BCAR1: variants seen among roughly 807,000 people sequenced by gnomAD.
The protein encoded by BCAR1 is BCAR1 scaffold protein, Cas family member.
A neutral mutation model predicts 67.6 loss-of-function variants in BCAR1; 30 were observed. The observed-to-expected ratio is 0.44, with a 90% confidence interval of 0.33 to 0.60. BCAR1 has a LOEUF of 0.60. Among genes scored for constraint, BCAR1 ranks in the 20% least tolerant of loss-of-function variants. The pLI is 0.02. For synonymous variants in BCAR1, 626 were observed against 556.7 expected, an observed-to-expected ratio of 1.12 and a Z score of -1.75; for missense variants, 1,313 against 1,222.3, an observed-to-expected ratio of 1.07 and a Z score of -1.11.
At chr16:75,266,728 G>T in intron 1 of BCAR1, 1 of 1,438,782 alleles carries the variant, frequency 7.0e-7, no homozygotes, top group South Asian at 1.4e-5. Context: ...TCAAAGGAAG[G>T]ACCAGGGGTC....
intron 1 of BCAR1, among the ~76,000 whole-genome samples, chr16:75,261,084 C>T (rs762076936): frequency 6.6e-5 from 10 of 152,252 alleles, no homozygotes; most frequent in Non-Finnish European, 8.8e-5. Flanking sequence ...CGACTTGTGA[C>T]CATCTCACCA....
chr16:75,239,457 G>C (rs1450931463), intron 2 of BCAR1, among the ~76,000 whole-genome samples: 1 of 152,184 alleles, frequency 6.6e-6, no homozygotes, highest in African/African-American at 2.4e-5. Context: ...GGGGGGACAA[G>C]CGAACTCAGG....
At chr16:75,250,700 G>C (rs114305120) in intron 1 of BCAR1, 2 of 985,390 alleles carry the variant, frequency 2.0e-6, no homozygotes, top group Non-Finnish European at 2.4e-6. Context: ...TCGGACCCTC[G>C]AGAGGGAGCT....
At chr16:75,243,577 T>A in intron 1 of BCAR1, 1 of 453,198 alleles carries the variant, frequency 2.2e-6, no homozygotes, top group Non-Finnish European at 4.4e-6. Flanking sequence ...AAAGTCTATC[T>A]ACCCCAAATC....
At chr16:75,263,106 G>C (rs545408942) in intron 1 of BCAR1, 1 of 732,014 alleles carries the variant, frequency 1.4e-6, no homozygotes, top group South Asian at 6.1e-5. Flanking sequence ...CCAGCACACA[G>C]GGCGGCATCC....
At chr16:75,251,925 A>C (rs1597264130), upstream of BCAR1, 4 of 516,586 alleles carry the variant, frequency 7.7e-6, no homozygotes, top group Admixed American at 1.3e-4. Flanking sequence ...AGGCCTACGC[A>C]AACTCCTCCA....
At chr16:75,253,390 A>C (rs2077715259), upstream of BCAR1, among the ~76,000 whole-genome samples, 1 of 152,180 alleles carries the variant, frequency 6.6e-6, no homozygotes, top group African/African-American at 2.4e-5. Context: ...CCCAGGCAGC[A>C]GTCTCTGCAG....
At chr16:75,240,742 G>A (rs2077311680) in intron 2 of BCAR1, among the ~76,000 whole-genome samples, 1 of 152,256 alleles carries the variant, frequency 6.6e-6, no homozygotes, top group African/African-American at 2.4e-5. Context: ...GCCAGGCCCA[G>A]GACACAGGGC....
chr16:75,264,008 C>T, intron 1 of BCAR1: 1 of 1,206,962 alleles, frequency 8.3e-7, no homozygotes, highest in Non-Finnish European at 1.0e-6. Flanking sequence ...TGCCCACCCC[C>T]AGCAGAATTC....
intron 1 of BCAR1, chr16:75,246,204 C>G (rs916034818): frequency 6.6e-6 from 1 of 152,104 alleles, no homozygotes; most frequent in Non-Finnish European, 1.5e-5. Context: ...CTCTTGGGCT[C>G]AAGTGATCCT....
chr16:75,250,803 G>T, intron 1 of BCAR1: 1 of 985,480 alleles, frequency 1.0e-6, no homozygotes, highest in South Asian at 4.7e-5. Context: ...CCCCTCCCGC[G>T]ACACTCGCGT....
At chr16:75,238,670 C>T (rs895498140) in intron 2 of BCAR1, 11 of 985,872 alleles carry the variant, frequency 1.1e-5, no homozygotes, top group African/African-American at 1.7e-5. Context: ...TGGGGGCCTC[C>T]GTGGGGTGTC....
In BCAR1 at chr16:75,237,198, G is replaced by A; in HGVS notation, c.780C>T (p.Ser260=). The change falls in exon 3 of 7, where the codon AGC becomes AGT. Residue 260 remains serine (S), a synonymous_variant. Coordinates refer to ENST00000162330, the MANE Select transcript of BCAR1 (RefSeq NM_014567.5). ...DVPPVRGLLP[S]QYGQEVYDTP... Reference sequence around the variant, plus strand: ...CCACACCTACCTCCTGGCCATACTGGCTGGGAAGCAGCCCCCGAACCGGGG... The same window carrying A: ...CCACACCTACCTCCTGGCCATACTGACTGGGAAGCAGCCCCCGAACCGGGG... 3 of 1,572,386 alleles carry A rather than the reference G, an allele frequency of 1.9e-6. No individual in the cohort carries two copies. Among genetic ancestry groups the A allele is most frequent in the South Asian group, 1.2e-5 (1 of 86,038 alleles).
rs200648429 is a variant in BCAR1, at chr16:75,236,862, T to C, written c.912+20A>G. The C allele has an allele frequency of 3.3e-4, 526 of 1,608,448 alleles. No homozygotes were observed. The highest frequency in any genetic ancestry group is 9.2e-4 in the East Asian group (41 of 44,738). ...CCACAGCCTCAGCCTGGCCCTGGCA[T>C]TGCCCTGGCATTTGCTCACTGCGTG... On this transcript the variant is annotated intron_variant, in intron 4 of 6. Coordinates refer to ENST00000162330, the MANE Select transcript of BCAR1 (RefSeq NM_014567.5).
At chr16:75,240,556 G>C (rs2077304502) in intron 2 of BCAR1, among the ~76,000 whole-genome samples, 1 of 152,138 alleles carries the variant, frequency 6.6e-6, no homozygotes, top group African/African-American at 2.4e-5. Flanking sequence ...TGAAACACAG[G>C]GCAGATACTA....
Position 75,251,454 on chromosome 16 carries a change from C to A in BCAR1, c.12+17G>T, listed in dbSNP as rs2077676972. 2 of 1,457,236 alleles carry A rather than the reference C, an allele frequency of 1.4e-6. No individual in the cohort carries two copies. Among genetic ancestry groups the A allele is most frequent in the Non-Finnish European group, 1.8e-6 (2 of 1,104,770 alleles). The allele number at this position is 1,457,236 out of a possible 1,614,324, so 90.3% of individuals were successfully genotyped here. Reference sequence around the variant, plus strand: ...CTCCAAGCCCGTACGCGGCCCGGCCCCACCTGGCGCCCTCACCAGGTGGTT... The same window carrying A: ...CTCCAAGCCCGTACGCGGCCCGGCCACACCTGGCGCCCTCACCAGGTGGTT... On this transcript the variant is annotated intron_variant, in intron 1 of 6. Coordinates refer to ENST00000162330, the MANE Select transcript of BCAR1 (RefSeq NM_014567.5).
At position 75,235,248 on chromosome 16, in the gene BCAR1, C is replaced by G; in HGVS notation, c.1651G>C (p.Val551Leu). Residue 551 changes from valine (V) to leucine (L), a missense_variant, in exon 5 of 7, where the codon GTG becomes CTG. Physicochemically the swap from Val to Leu is conservative, Grantham distance 32. This residue lies in a region of BCAR1 where 1,272 missense variants were observed against 1,137.5 expected (regional missense o/e 1.12). Coordinates refer to ENST00000162330, the MANE Select transcript of BCAR1 (RefSeq NM_014567.5). ...CCATGTGCCACCAGCGTCTGGTGCA[C>G]GTCCTCCATCTTCTGCAGCTGCCGG... ...LSRQLQKMEDVHQTLVAHGQA... is the reference protein window; with the variant it reads ...LSRQLQKMEDLHQTLVAHGQA... 6.2e-7 allele frequency: 1 copy of G among 1,606,656 alleles called. No individual in the cohort carries two copies. Among genetic ancestry groups the G allele is most frequent in the Non-Finnish European group, 8.5e-7 (1 of 1,175,294 alleles).
At chr16:75,240,567 G>C (rs1446120926) in intron 2 of BCAR1, among the ~76,000 whole-genome samples, 1 of 152,210 alleles carries the variant, frequency 6.6e-6, no homozygotes, top group African/African-American at 2.4e-5. Flanking sequence ...GCAGATACTA[G>C]ACAAAATATG....
At chr16:75,238,789 C>T in intron 2 of BCAR1, 1 of 985,554 alleles carries the variant, frequency 1.0e-6, no homozygotes, top group African/African-American at 1.7e-5. Context: ...TTTTTAGATG[C>T]AGGGACCTGC....
Sources: allele counts gnomAD v4.1 joint callset (sites outside exome capture counted in the v4.1 genomes callset), GRCh38; gene constraint gnomAD v4.1.1; regional missense constraint gnomAD v4.1.1; transcripts MANE v1.5; gene names NCBI Gene and HGNC (gene_info 2026-07-23, HGNC 2026-07-21).